OVCH2: variants seen among roughly 807,000 people sequenced by gnomAD.
The protein encoded by OVCH2 is ovochymase-2.
Under a neutral mutation model 73.7 loss-of-function variants are expected in OVCH2, and 88 were observed. The observed-to-expected ratio is 1.19, with a 90% CI of 1.01 to 1.43. OVCH2 has a LOEUF of 1.43. OVCH2 is among the 40% of genes most tolerant of loss of function. The pLI is 0.00. For synonymous variants in OVCH2, 265 were observed against 234.5 expected (o/e 1.13, Z -1.19); for missense variants, 706 against 674.5 (o/e 1.05, Z -0.52).
At chr11:7,687,221 C>T (rs113074952), downstream of OVCH2, among the ~76,000 whole-genome samples, 3 of 151,882 alleles carry the variant, frequency 2.0e-5, no homozygotes, top group Non-Finnish European at 4.4e-5. Flanking sequence ...CACCATGTAG[C>T]TTAAAAGGTA....
chr11:7,685,315 AG>A (rs1856131076), downstream of OVCH2, among the ~76,000 whole-genome samples: 1 of 152,182 alleles, frequency 6.6e-6, no homozygotes, highest in Admixed American at 6.5e-5. Context: ...TGAGGGCTAC[AG>A]GACATTGGAA....
downstream of OVCH2, among the ~76,000 whole-genome samples, chr11:7,687,308 AAATAATAATAATAAT>A: frequency 7.5e-6 from 1 of 132,514 alleles, no homozygotes. Flanking sequence ...ATGGCTGTGG[AAATAATAATAATAAT>A]AATAATAATA....
downstream of OVCH2, among the ~76,000 whole-genome samples, chr11:7,685,634 C>T (rs1445074903): frequency 6.7e-6 from 1 of 149,938 alleles, no homozygotes; most frequent in Non-Finnish European, 1.5e-5. Context: ...TTGAATAGCT[C>T]CCACCCGGTC....
intron 7 of OVCH2, 60 bp downstream of exon 7, chr11:7,700,236 A>T: frequency 6.5e-7 from 1 of 1,536,800 alleles, no homozygotes; most frequent in Non-Finnish European, 8.9e-7. Context: ...GACTCTGCTG[A>T]TGCTGTCTCT....
intron 8 of OVCH2, 65 bp downstream of exon 8, chr11:7,698,685 T>C (rs1856379391): frequency 1.9e-6 from 3 of 1,540,556 alleles, no homozygotes; most frequent in East Asian, 2.3e-5. Context: ...CTTCAGGAAC[T>C]GATATTCAGA....
intron 10 of OVCH2, among the ~76,000 whole-genome samples, chr11:7,696,160 G>T (rs528650454): frequency 6.6e-6 from 1 of 152,206 alleles, no homozygotes; most frequent in Non-Finnish European, 1.5e-5. Context: ...GCAGTGAGCT[G>T]TCTGGACATC....
chr11:7,694,711 G>T (rs1054785067), intron 12 of OVCH2, among the ~76,000 whole-genome samples: 1 of 151,686 alleles, frequency 6.6e-6, no homozygotes, highest in African/African-American at 2.4e-5. Flanking sequence ...TCCATCTCCC[G>T]GGTTCAAGCA....
intron 2 of OVCH2, 73 bp from the exon 3 acceptor site, chr11:7,703,862 T>C: frequency 8.4e-7 from 1 of 1,186,960 alleles, no homozygotes; most frequent in Non-Finnish European, 1.2e-6. Context: ...ATGAAGCCTA[T>C]TCTCAAAACC....
intron 15 of OVCH2, 133 bp downstream of exon 15, chr11:7,689,791 C>T: frequency 1.4e-6 from 1 of 702,560 alleles, no homozygotes; most frequent in South Asian, 1.5e-5. Flanking sequence ...AATAAGGTCA[C>T]ATTCTGGGGT....
intron 10 of OVCH2, 102 bp downstream of exon 10, chr11:7,696,363 G>T: frequency 6.8e-7 from 1 of 1,472,836 alleles, no homozygotes; most frequent in Non-Finnish European, 9.3e-7. Flanking sequence ...AAGTCAAGAA[G>T]TGTGGCATTT....
intron 1 of OVCH2, 58 bp downstream of exon 1, chr11:7,706,249 C>G: frequency 6.8e-7 from 1 of 1,464,872 alleles, no homozygotes; most frequent in Non-Finnish European, 9.3e-7. Context: ...GGAGTTGTGA[C>G]GTCCATTGCC....
intron 7 of OVCH2, 87 bp downstream of exon 7, chr11:7,700,209 G>A (rs1413832580): frequency 7.6e-7 from 1 of 1,314,094 alleles, no homozygotes; most frequent in Non-Finnish European, 1.1e-6. Context: ...GTTGGTTCAG[G>A]TGCTCTGATT....
rs1477989381 is a variant in OVCH2 at position 7,702,137 on chromosome 11, T to G, written c.463+20A>C. The G allele has an allele frequency of 7.6e-6, 12 of 1,578,818 alleles. No homozygotes were observed. Among genetic ancestry groups the G allele is most frequent in the Non-Finnish European group, 9.6e-6 (11 of 1,150,290 alleles). On this transcript the variant is annotated intron_variant, in intron 4 of 15. Coordinates refer to ENST00000533663, the MANE Select transcript of OVCH2 (RefSeq NM_198185.7). Reference sequence around the variant, plus strand: ...AGAGAACATGGGGTAGACAATTCAGTATGATCCTCAAATGTTTACCAAATT... The same window carrying G: ...AGAGAACATGGGGTAGACAATTCAGGATGATCCTCAAATGTTTACCAAATT...
At chr11:7,694,022 A>G (rs12419873) in intron 12 of OVCH2, among the ~76,000 whole-genome samples, 47,342 of 152,036 alleles carry the variant, frequency 0.31, 8,007 homozygotes, top group South Asian at 0.51. Flanking sequence ...ATAAAAACAC[A>G]CCAATTTGGT....
intron 1 of OVCH2, 28 bp from the exon 2 acceptor site, chr11:7,704,702 G>T (rs1357531004): frequency 2.1e-6 from 3 of 1,457,926 alleles, no homozygotes; most frequent in South Asian, 1.2e-5. Flanking sequence ...CAAACTAAAT[G>T]ATTAGATAGC....
the OVCH2 span, among the ~76,000 whole-genome samples, chr11:7,684,220 G>C: frequency 6.6e-6 from 1 of 152,042 alleles, no homozygotes; most frequent in Non-Finnish European, 1.5e-5. Context: ...GCAGAAGTTA[G>C]AAGTGGAGGT....
chr11:7,700,297 A>C lies in OVCH2; in HGVS notation c.900T>G (p.Thr300=). Residue 300 remains threonine, a splice_region_variant and synonymous_variant, in exon 7 of 16, where the codon ACT becomes ACG. Transcript: ENST00000533663. The stretch of plus-strand genomic sequence containing the variant: ...AACCTTGTGTGATGGCTTAGTTACC[A>C]GTTTGGATGTGTTCGTGGATCCAGG... ...VLPWIHEHIQ[T]GNRRKSSRAW... is the part of the protein sequence containing the mutation. 6.2e-7 allele frequency: 1 copy of C among 1,613,138 alleles called. No homozygotes were observed. The highest frequency in any genetic ancestry group is 8.5e-7 in the Non-Finnish European group (1 of 1,179,326).
chr11:7,691,371 G>A lies in OVCH2; in HGVS notation c.1537C>T (p.Pro513Ser), dbSNP rs185446822. ...ATGATGCTGGAGGGGCTCAGCACAG[G>A]GGTGGGGACATCATAGCCACACAGC... ...ARLCGYDVPT[P>S]VLSPSSIMLI... is the part of the protein sequence containing the mutation. The change falls in exon 14 of 16, where the codon CCT (proline) becomes TCT (serine). Residue 513 changes from proline (P) to serine (S), a missense_variant. Coordinates refer to ENST00000533663, the MANE Select transcript of OVCH2 (RefSeq NM_198185.7). 5 of 1,613,620 alleles carry A rather than the reference G, an allele frequency of 3.1e-6. No homozygotes were observed. The highest frequency in any genetic ancestry group is 4.2e-6 in the Non-Finnish European group (5 of 1,179,798).
chr11:7,704,269 T>C (rs1299367024), intron 2 of OVCH2, among the ~76,000 whole-genome samples: 1 of 152,194 alleles, frequency 6.6e-6, no homozygotes, highest in African/African-American at 2.4e-5. Context: ...ACTTTTCTCA[T>C]ACTCTTAACT....
Sources: allele counts gnomAD v4.1 joint callset (sites outside exome capture counted in the v4.1 genomes callset), GRCh38; gene constraint gnomAD v4.1.1; transcripts MANE v1.5; gene names NCBI Gene and HGNC (gene_info 2026-07-23, HGNC 2026-07-21).